The following RGS5 variants were observed in gnomAD, a reference collection of about 807,000 sequenced individuals.
RGS5 encodes the protein regulator of G-protein signalling 5.
In RGS5, 20 loss-of-function variants were observed where a neutral mutation model predicts 18.9. That is an observed-to-expected ratio of 1.06 (90% CI 0.74 to 1.54). RGS5 has a LOEUF of 1.54. RGS5 is among the 40% of genes most tolerant of loss of function. RGS5 has a pLI of 0.00. For missense variants in RGS5, 201 were observed against 211.8 expected (o/e 0.95, Z 0.32); for synonymous variants, 57 against 76.2 (o/e 0.75, Z 1.31).
Position 163,146,196 on chromosome 1 carries a change from A to G in RGS5, c.*1146T>C, listed in dbSNP as rs1054368776. The G allele has an allele frequency of 6.6e-6, 1 of 152,042 alleles. No individual in the cohort carries two copies. The allele number at this position is 152,042 out of a possible 1,614,324, so 9.4% of individuals were successfully genotyped here. A position where few individuals can be genotyped will look rare whatever the true frequency, so the allele number is the denominator to read the frequency against. On this transcript the variant is annotated 3_prime_UTR_variant, in exon 5 of 5. Coordinates refer to ENST00000313961, the MANE Select transcript of RGS5 (RefSeq NM_003617.4). ...GACTGTAAGTAAAATTTGCTAATGC[A>G]GGAAGCGAAATAGTGAAGGAATACT...
intron 2 of RGS5, among the ~76,000 whole-genome samples, chr1:163,281,351 C>G (rs1436012648): frequency 1.3e-5 from 2 of 152,062 alleles, no homozygotes; most frequent in Non-Finnish European, 2.9e-5. Context: ...GCAGGCTGTA[C>G]AGGAAGCATG....
intron 2 of RGS5, chr1:163,237,072 A>C (rs1340401742): frequency 1.3e-5 from 2 of 152,244 alleles, no homozygotes; most frequent in Non-Finnish European, 2.9e-5. Context: ...CTTACAAAAA[A>C]AGGTTAAAAT....
intron 1 of RGS5, among the ~76,000 whole-genome samples, chr1:163,181,020 G>T (rs551733523): frequency 1.2e-4 from 18 of 152,090 alleles, no homozygotes; most frequent in African/African-American, 4.3e-4. Context: ...AGCAACCGCT[G>T]ATCTGTTCTC....
intron 1 of RGS5, among the ~76,000 whole-genome samples, 184 bp downstream of exon 1, chr1:163,202,608 G>C (rs976978794): frequency 2.6e-5 from 4 of 152,116 alleles, no homozygotes; most frequent in African/African-American, 9.7e-5. Flanking sequence ...TAATCTCCTA[G>C]CTTGGATCTT....
chr1:163,180,936 C>T (rs1163752794), intron 1 of RGS5, among the ~76,000 whole-genome samples: 1 of 152,048 alleles, frequency 6.6e-6, no homozygotes, highest in Non-Finnish European at 1.5e-5. Flanking sequence ...CCTCGTGATC[C>T]TCCCGCCTCC....
intron 2 of RGS5, among the ~76,000 whole-genome samples, chr1:163,270,684 T>G (rs1648697509): frequency 6.6e-6 from 1 of 152,168 alleles, no homozygotes; most frequent in Non-Finnish European, 1.5e-5. Context: ...TTTTTTTAAT[T>G]CTAAAGTTTT....
At chr1:163,217,647 A>G, upstream of RGS5, 1 of 1,512,640 alleles carries the variant, frequency 6.6e-7, no homozygotes, top group Non-Finnish European at 8.8e-7. Flanking sequence ...TTCCTGGGCT[A>G]GTGTTCCTTA....
intron 3 of RGS5, among the ~76,000 whole-genome samples, chr1:163,154,207 T>C (rs766365862): frequency 2.0e-5 from 3 of 152,216 alleles, no homozygotes; most frequent in South Asian, 4.2e-4. Flanking sequence ...TAAAGTTTTA[T>C]TTATTAGTCA....
chr1:163,210,242 G>A (rs904110325), intron 1 of RGS5, among the ~76,000 whole-genome samples: 22 of 151,990 alleles, frequency 1.4e-4, no homozygotes, highest in Admixed American at 2.0e-4. Context: ...CAAGCAATCC[G>A]CTTGCCTTGT....
intron 2 of RGS5, among the ~76,000 whole-genome samples, chr1:163,230,325 T>C (rs975475301): frequency 2.0e-5 from 3 of 152,140 alleles, no homozygotes; most frequent in Non-Finnish European, 4.4e-5. Flanking sequence ...ACATAGTAGG[T>C]ATACAGTCAA....
At chr1:163,252,619 T>C (rs1034860651) in intron 2 of RGS5, among the ~76,000 whole-genome samples, 1 of 152,184 alleles carries the variant, frequency 6.6e-6, no homozygotes, top group South Asian at 2.1e-4. Flanking sequence ...TACTTTCTAC[T>C]AAGGATCAGA....
At chr1:163,241,408 G>A (rs912955501) in intron 2 of RGS5, among the ~76,000 whole-genome samples, 3 of 152,130 alleles carry the variant, frequency 2.0e-5, no homozygotes, top group African/African-American at 7.2e-5. Flanking sequence ...CTAAACTCTT[G>A]TTATGTATAG....
upstream of RGS5, among the ~76,000 whole-genome samples, chr1:163,222,322 A>G (rs770909269): frequency 2.6e-5 from 4 of 152,132 alleles, no homozygotes; most frequent in Non-Finnish European, 5.9e-5. Flanking sequence ...TCTAGGTTGC[A>G]CACTCCTTAT....
At chr1:163,189,280 A>AGCCCCT (rs1659242940) in intron 1 of RGS5, among the ~76,000 whole-genome samples, 1 of 152,234 alleles carries the variant, frequency 6.6e-6, no homozygotes, top group South Asian at 2.1e-4. Context: ...CATGGGTTGT[A>AGCCCCT]CATATGCTAA....
intron 1 of RGS5, among the ~76,000 whole-genome samples, chr1:163,169,767 C>T (rs1447473344): frequency 6.6e-6 from 1 of 152,108 alleles, no homozygotes; most frequent in African/African-American, 2.4e-5. Context: ...CTATTTCCAG[C>T]TATAAAATTA....
intron 2 of RGS5, among the ~76,000 whole-genome samples, chr1:163,285,775 TTCTC>T (rs140396614): frequency 6.1e-5 from 9 of 148,746 alleles, no homozygotes; most frequent in Admixed American, 2.0e-4. Flanking sequence ...CACCTTCCCC[TTCTC>T]TCTCTCTCTC....
At chr1:163,281,623 G>A (rs768677734) in intron 2 of RGS5, among the ~76,000 whole-genome samples, 9 of 151,990 alleles carry the variant, frequency 5.9e-5, no homozygotes, top group Non-Finnish European at 1.3e-4. Flanking sequence ...CCAACATTGG[G>A]GATCATGTTT....
chr1:163,217,444 C>T (rs1023642596), intron 1 of RGS5: 3 of 1,384,620 alleles, frequency 2.2e-6, no homozygotes, highest in African/African-American at 2.9e-5. Flanking sequence ...TGGCATCCTT[C>T]CACAAAATAA....
intron 2 of RGS5, among the ~76,000 whole-genome samples, chr1:163,299,184 T>C (rs1261909519): frequency 6.6e-6 from 1 of 152,220 alleles, no homozygotes; most frequent in Non-Finnish European, 1.5e-5. Flanking sequence ...GAACAAATTA[T>C]ACTATTATAC....
Sources: allele counts gnomAD v4.1 joint callset (sites outside exome capture counted in the v4.1 genomes callset), GRCh38; gene constraint gnomAD v4.1.1; transcripts MANE v1.5; gene names NCBI Gene and HGNC (gene_info 2026-07-23, HGNC 2026-07-21).